DIP2C: variants seen among roughly 807,000 people sequenced by gnomAD.
The protein encoded by DIP2C is disco-interacting protein 2 homolog C.
Under a neutral mutation model 192.4 loss-of-function variants are expected in DIP2C, and 33 were observed. That is an observed-to-expected ratio of 0.17 (90% CI 0.13 to 0.23). DIP2C has a LOEUF of 0.23. Ranked by LOEUF, DIP2C falls within the 10% of genes least tolerant of loss-of-function variation. DIP2C has a pLI of 1.00. For missense variants in DIP2C, 1,537 were observed against 2,110.1 expected (o/e 0.73, Z 5.32); for synonymous variants, 979 against 864.1 (o/e 1.13, Z -2.33).
At chr10:419,907 A>G (rs1966064697) in intron 5 of DIP2C, among the ~76,000 whole-genome samples, 1 of 152,238 alleles carries the variant, frequency 6.6e-6, no homozygotes, top group African/African-American at 2.4e-5. Flanking sequence ...GTTAAGCCGT[A>G]CGTGGCTGAA....
intron 28 of DIP2C, among the ~76,000 whole-genome samples, chr10:341,681 C>T (rs970899401): frequency 1.1e-4 from 16 of 152,208 alleles, no homozygotes; most frequent in Non-Finnish European, 7.3e-5. Flanking sequence ...TGCGTGGGGC[C>T]TGACACCCAA....
At chr10:279,678 GGAGCAAAGCAGTTT>G (rs1177630557) in intron 36 of DIP2C, among the ~76,000 whole-genome samples, 1 of 152,342 alleles carries the variant, frequency 6.6e-6, no homozygotes, top group East Asian at 1.9e-4. Flanking sequence ...GAGGGAAGGT[GGAGCAAAGCAGTTT>G]GTACCTGGAT....
intron 1 of DIP2C, among the ~76,000 whole-genome samples, chr10:540,357 G>A (rs1222934612): frequency 6.6e-6 from 1 of 152,264 alleles, no homozygotes; most frequent in Non-Finnish European, 1.5e-5. Flanking sequence ...GTCACAGGGG[G>A]AAAGCTGCCC....
At chr10:339,118 C>T (rs1958019891) in intron 29 of DIP2C, among the ~76,000 whole-genome samples, 1 of 152,064 alleles carries the variant, frequency 6.6e-6, no homozygotes, top group African/African-American at 2.4e-5. Context: ...AATTTACACC[C>T]CCAGGGCCTC....
At chr10:595,766 G>A (rs1187784152) in intron 1 of DIP2C, among the ~76,000 whole-genome samples, 1 of 152,286 alleles carries the variant, frequency 6.6e-6, no homozygotes, top group East Asian at 1.9e-4. Flanking sequence ...TTTTCAATAA[G>A]GGTTTGGTTG....
intron 1 of DIP2C, among the ~76,000 whole-genome samples, chr10:539,993 A>G (rs1191064419): frequency 6.6e-6 from 1 of 152,272 alleles, no homozygotes; most frequent in Non-Finnish European, 1.5e-5. Context: ...CCATTTGCAG[A>G]AAGCCACTTT....
At chr10:541,047 TGCTGGGG>T in intron 1 of DIP2C, among the ~76,000 whole-genome samples, 1 of 98,436 alleles carries the variant, frequency 1.0e-5, no homozygotes, top group African/African-American at 6.6e-5. Flanking sequence ...CAACACCCGA[TGCTGGGG>T]AGCCACAACA....
At chr10:503,147 C>T (rs1195369447) in intron 1 of DIP2C, among the ~76,000 whole-genome samples, 5 of 151,594 alleles carry the variant, frequency 3.3e-5, no homozygotes, top group Non-Finnish European at 7.4e-5. Flanking sequence ...GGACTTACCA[C>T]AATTCCAACA....
intron 5 of DIP2C, 41 bp from the exon 6 acceptor site, chr10:419,240 T>C (rs1337699525): frequency 1.9e-6 from 3 of 1,613,086 alleles, no homozygotes; most frequent in East Asian, 2.2e-5. Context: ...GTGGTTGTGA[T>C]GTTTGCTCTG....
chr10:560,635 T>A (rs1171501470), intron 1 of DIP2C, among the ~76,000 whole-genome samples: 1 of 152,218 alleles, frequency 6.6e-6, no homozygotes, highest in Non-Finnish European at 1.5e-5. Flanking sequence ...TTCAAATTAA[T>A]CTGCTAATAA....
intron 3 of DIP2C, among the ~76,000 whole-genome samples, chr10:451,652 C>G (rs1968858274): frequency 6.6e-6 from 1 of 152,154 alleles, no homozygotes; most frequent in African/African-American, 2.4e-5. Flanking sequence ...TTCAGGATGA[C>G]AAGATGACAA....
rs139730017 is a variant in DIP2C, at chr10:602,637, A to G, written c.85+86857T>C. Reference sequence around the variant, plus strand: ...CTTGACCTCGGACTTCCCAGCCTCCAGAGCTGTGAGCTACAGATCACCCAA... The same window carrying G: ...CTTGACCTCGGACTTCCCAGCCTCCGGAGCTGTGAGCTACAGATCACCCAA... On this transcript the variant is annotated intron_variant, in intron 1 of 36. Transcript: ENST00000280886. Among the ~76,000 whole-genome samples, 304 of 152,318 alleles carry G rather than the reference A, an allele frequency of 2.0e-3. 1 individual carries two copies. Among genetic ancestry groups the G allele is most frequent in the Non-Finnish European group, 2.9e-3 (194 of 68,028 alleles).
At chr10:598,478 G>A (rs185186110) in intron 1 of DIP2C, among the ~76,000 whole-genome samples, 54 of 152,352 alleles carry the variant, frequency 3.5e-4, no homozygotes, top group African/African-American at 1.3e-3. Flanking sequence ...GGGAAAGTCA[G>A]TCTCAGTCCG....
intron 1 of DIP2C, among the ~76,000 whole-genome samples, chr10:643,072 C>G (rs1276889264): frequency 1.3e-5 from 2 of 152,012 alleles, no homozygotes; most frequent in Admixed American, 6.6e-5. Context: ...GGCATGGTGG[C>G]ACATGTCTGT....
intron 3 of DIP2C, among the ~76,000 whole-genome samples, chr10:452,878 C>T (rs528661929): frequency 1.3e-5 from 2 of 152,328 alleles, no homozygotes; most frequent in Non-Finnish European, 2.9e-5. Flanking sequence ...GCAGGATGGA[C>T]CCATCTCCCT....
At chr10:313,137 C>T (rs1441178722) in intron 31 of DIP2C, among the ~76,000 whole-genome samples, 1 of 152,098 alleles carries the variant, frequency 6.6e-6, no homozygotes, top group Non-Finnish European at 1.5e-5. Context: ...TTTCAAGATA[C>T]ATATTGAGGG....
intron 1 of DIP2C, among the ~76,000 whole-genome samples, chr10:658,348 G>A (rs1442692647): frequency 2.6e-5 from 4 of 151,886 alleles, no homozygotes; most frequent in African/African-American, 9.7e-5. Flanking sequence ...CCTGCCCCTG[G>A]ACCTGCCCCT....
At chr10:452,198 C>G (rs1968905509) in intron 3 of DIP2C, among the ~76,000 whole-genome samples, 1 of 152,164 alleles carries the variant, frequency 6.6e-6, no homozygotes, top group Non-Finnish European at 1.5e-5. Flanking sequence ...AAAAAGATGT[C>G]TACATTCTGC....
intron 6 of DIP2C, among the ~76,000 whole-genome samples, chr10:417,540 G>A (rs757384437): frequency 1.2e-4 from 18 of 152,312 alleles, no homozygotes; most frequent in East Asian, 5.8e-4. Flanking sequence ...GGACACTTAC[G>A]AAGGCACAGT....
Sources: gnomAD v4.1 joint callset for allele counts (sites outside exome capture counted in the v4.1 genomes callset) on GRCh38, gnomAD v4.1.1 for gene constraint, MANE v1.5 for transcripts, NCBI Gene and HGNC (gene_info 2026-07-23, HGNC 2026-07-21) for gene names.